PLCB1: variants seen among roughly 807,000 people sequenced by gnomAD.
PLCB1 encodes the protein 1-phosphatidylinositol 4,5-bisphosphate phosphodiesterase beta-1.
PLCB1 carries 46 observed loss-of-function variants against 161.8 expected under a neutral mutation model. The ratio of observed to expected loss-of-function variants is 0.28; its 90% CI spans 0.22 to 0.36. PLCB1 has a LOEUF of 0.36. Among genes scored for constraint, PLCB1 ranks in the 10% least tolerant of loss-of-function variants. The probability of loss-of-function intolerance (pLI) is 1.00; values close to 1 mark genes in which losing one functional copy is unlikely to be tolerated. For synonymous variants in PLCB1, 517 were observed against 503.7 expected (o/e 1.03, Z -0.35); for missense variants, 1,016 against 1,472.5 (o/e 0.69, Z 5.07).
intron 9 of PLCB1, among the ~76,000 whole-genome samples, chr20:8,659,507 G>A (rs1989563373): frequency 6.6e-6 from 1 of 151,974 alleles, no homozygotes; most frequent in Non-Finnish European, 1.5e-5. Flanking sequence ...GGAAAATAAA[G>A]TACAATTAAC....
At chr20:8,486,811 A>G (rs770714916) in intron 3 of PLCB1, among the ~76,000 whole-genome samples, 2 of 152,136 alleles carry the variant, frequency 1.3e-5, no homozygotes, top group African/African-American at 2.4e-5. Flanking sequence ...ATATTTTCTT[A>G]AGGGTCACTG....
intron 2 of PLCB1, among the ~76,000 whole-genome samples, chr20:8,274,315 G>A (rs1463961556): frequency 6.6e-6 from 1 of 151,640 alleles, no homozygotes; most frequent in Non-Finnish European, 1.5e-5. Context: ...ATAGATAAAA[G>A]CATATAAAAT....
At chr20:8,214,647 A>C (rs763933038) in intron 2 of PLCB1, among the ~76,000 whole-genome samples, 2 of 152,138 alleles carry the variant, frequency 1.3e-5, no homozygotes, top group Non-Finnish European at 2.9e-5. Flanking sequence ...CTACTACTGC[A>C]TTTTGCAGAC....
chr20:8,485,055 A>G (rs996973161), intron 3 of PLCB1, among the ~76,000 whole-genome samples: 1 of 152,204 alleles, frequency 6.6e-6, no homozygotes, highest in Non-Finnish European at 1.5e-5. Context: ...TAATTTGAAA[A>G]CCAGCACTTA....
chr20:8,150,166 T>A, intron 1 of PLCB1, 128 bp from the exon 2 acceptor site: 1 of 443,948 alleles, frequency 2.3e-6, no homozygotes, highest in South Asian at 5.6e-5. Flanking sequence ...GTCTAATTTC[T>A]TTTGAAATTT....
chr20:8,645,314 T>TAA (rs11087815), intron 4 of PLCB1, among the ~76,000 whole-genome samples: 1 of 134,012 alleles, frequency 7.5e-6, no homozygotes, highest in African/African-American at 3.3e-5. Flanking sequence ...TAAAAAAAAA[T>TAA]AAAAAAAATA....
chr20:8,679,966 A>C (rs1480570973), intron 9 of PLCB1, among the ~76,000 whole-genome samples: 2 of 152,196 alleles, frequency 1.3e-5, no homozygotes, highest in South Asian at 2.1e-4. Context: ...TTGAATTCAT[A>C]GACTTTTAGA....
At chr20:8,521,323 G>C (rs201476347) in intron 3 of PLCB1, among the ~76,000 whole-genome samples, 1 of 90,090 alleles carries the variant, frequency 1.1e-5, no homozygotes, top group Admixed American at 1.2e-4. Context: ...ACTTATAAAA[G>C]GGAAAAAAAA....
intron 2 of PLCB1, among the ~76,000 whole-genome samples, chr20:8,340,035 C>T (rs1027651286): frequency 6.6e-6 from 1 of 152,224 alleles, no homozygotes; most frequent in African/African-American, 2.4e-5. Flanking sequence ...CAGCACATAG[C>T]ATGTGCTCAG....
At chr20:8,434,875 AG>A (rs1281614770) in intron 3 of PLCB1, among the ~76,000 whole-genome samples, 17 of 152,190 alleles carry the variant, frequency 1.1e-4, no homozygotes, top group African/African-American at 4.1e-4. Context: ...TGGTTAATGG[AG>A]GGCACATGCA....
rs1459622475 is a variant in PLCB1 at position 8,539,618 on chromosome 20, TTCTTTCTTTC to T, written c.247-88674_247-88665del. ...TAGATACTTGCCTCTTTTCTTTATT[TTCTTTCTTTC>T]TTTCTTTCTTTCTTTCTTTCTTTCT... On this transcript the variant is annotated intron_variant, in intron 3 of 31. Coordinates refer to ENST00000338037, the MANE Select transcript of PLCB1 (RefSeq NM_015192.4). Among the ~76,000 whole-genome samples, 37 of 56,754 alleles carry T rather than the reference TTCTTTCTTTC, an allele frequency of 6.5e-4. 1 individual carries two copies. The highest frequency in any genetic ancestry group is 7.5e-3 in the Middle Eastern group (1 of 134). 37.2% of individuals were successfully genotyped at this position (56,754 alleles called of 152,430 possible). A position where few individuals can be genotyped will look rare whatever the true frequency, so the allele number is the denominator to read the frequency against.
chr20:8,315,255 G>A (rs1342257027), intron 2 of PLCB1, among the ~76,000 whole-genome samples: 1 of 152,184 alleles, frequency 6.6e-6, no homozygotes, highest in Non-Finnish European at 1.5e-5. Context: ...ACAGAAAAGG[G>A]TGAAGCAATT....
At chr20:8,516,390 G>A (rs1600120714) in intron 3 of PLCB1, among the ~76,000 whole-genome samples, 2 of 152,020 alleles carry the variant, frequency 1.3e-5, no homozygotes, top group East Asian at 3.9e-4. Context: ...CCACAATGAG[G>A]CCAAAGCAAG....
chr20:8,176,971 CT>C (rs1228936152), intron 2 of PLCB1, among the ~76,000 whole-genome samples: 2 of 152,168 alleles, frequency 1.3e-5, no homozygotes, highest in African/African-American at 4.8e-5. Flanking sequence ...TCACCACTCC[CT>C]TCTCAGTAAT....
At chr20:8,412,585 A>G (rs1332149381) in intron 3 of PLCB1, among the ~76,000 whole-genome samples, 2 of 152,210 alleles carry the variant, frequency 1.3e-5, no homozygotes, top group African/African-American at 4.8e-5. Flanking sequence ...TTTATGGTCT[A>G]ATAGAGGACA....
chr20:8,357,151 G>C (rs73591754), intron 2 of PLCB1, among the ~76,000 whole-genome samples: 4,569 of 152,186 alleles, frequency 0.03, 225 homozygotes, highest in African/African-American at 0.1. Flanking sequence ...GGTGACCCTG[G>C]TCAATATTTA....
intron 31 of PLCB1, among the ~76,000 whole-genome samples, chr20:8,857,325 T>C (rs921870231): frequency 2.6e-5 from 4 of 152,254 alleles, no homozygotes; most frequent in African/African-American, 9.6e-5. Context: ...TGTGAACTTC[T>C]CTCTGTGTAC....
intron 17 of PLCB1, 77 bp from the exon 18 acceptor site, chr20:8,728,973 T>C: frequency 1.0e-6 from 1 of 981,726 alleles, no homozygotes; most frequent in East Asian, 2.9e-5. Context: ...TGGAGAAAGA[T>C]GGAAGGTAGC....
chr20:8,353,861 G>A (rs965552708), intron 2 of PLCB1, among the ~76,000 whole-genome samples: 6 of 152,006 alleles, frequency 3.9e-5, no homozygotes, highest in Non-Finnish European at 8.8e-5. Context: ...ATGGGCCTTA[G>A]TTAATATTAA....
Sources: gnomAD v4.1 joint callset for allele counts (sites outside exome capture counted in the v4.1 genomes callset) on GRCh38, gnomAD v4.1.1 for gene constraint, MANE v1.5 for transcripts, NCBI Gene and HGNC (gene_info 2026-07-23, HGNC 2026-07-21) for gene names.